The following CCDC102B variants were observed in gnomAD, a reference collection of about 807,000 sequenced individuals.
CCDC102B encodes coiled-coil domain containing 102B.
A neutral mutation model predicts 57.4 loss-of-function variants in CCDC102B; 75 were observed. The observed-to-expected ratio is 1.31, with a 90% CI of 1.08 to 1.58. CCDC102B has a LOEUF of 1.58. Ranked by LOEUF, CCDC102B falls within the 40% of genes most tolerant of loss-of-function variation. CCDC102B has a pLI of 0.00. For synonymous variants in CCDC102B, 206 were observed against 201.9 expected (o/e 1.02, Z -0.17); for missense variants, 636 against 582.6 (o/e 1.09, Z -0.94).
At chr18:68,766,432 A>G (rs2034472935) in intron 2 of CCDC102B, among the ~76,000 whole-genome samples, 1 of 152,192 alleles carries the variant, frequency 6.6e-6, no homozygotes, top group Admixed American at 6.5e-5. Context: ...AGAAATGTGC[A>G]GGTTTAAGAA....
At chr18:68,816,111 G>T (rs1419157706) in intron 1 of CCDC102B, among the ~76,000 whole-genome samples, 1 of 152,164 alleles carries the variant, frequency 6.6e-6, no homozygotes, top group Non-Finnish European at 1.5e-5. Context: ...TAAAAGAATT[G>T]ATTCTTGTGA....
intron 6 of CCDC102B, among the ~76,000 whole-genome samples, chr18:68,957,694 A>C (rs2049938945): frequency 6.6e-6 from 1 of 151,282 alleles, no homozygotes; most frequent in East Asian, 2.0e-4. Flanking sequence ...GCATTTGTAG[A>C]TTGCTTTGGG....
At chr18:69,022,193 CTATATA>C (rs57226048) in intron 7 of CCDC102B, among the ~76,000 whole-genome samples, 22 of 142,088 alleles carry the variant, frequency 1.5e-4, no homozygotes, top group African/African-American at 6.3e-4. Context: ...ATCCTTTAGC[CTATATA>C]TATATATATA....
chr18:69,003,007 A>G (rs1274616384), intron 6 of CCDC102B, among the ~76,000 whole-genome samples: 1 of 152,152 alleles, frequency 6.6e-6, no homozygotes, highest in Non-Finnish European at 1.5e-5. Flanking sequence ...TTGTCCTCCA[A>G]TGCTATCTTC....
chr18:68,999,665 G>A (rs10503137), intron 6 of CCDC102B, among the ~76,000 whole-genome samples: 130,506 of 152,010 alleles, frequency 0.86, 57,939 homozygotes, highest in Non-Finnish European at 0.97. Context: ...TCTGGGGTAA[G>A]TTTTATGACT....
At chr18:68,911,627 C>T (rs537687526) in intron 6 of CCDC102B, among the ~76,000 whole-genome samples, 3 of 149,598 alleles carry the variant, frequency 2.0e-5, no homozygotes, top group Admixed American at 6.6e-5. Flanking sequence ...TGGCGGGCGC[C>T]TGTAGTCCCA....
rs536509927 is a variant in CCDC102B at position 68,819,385 on chromosome 18, C to T, written c.-15-17364C>T. 6.6e-5 allele frequency among the ~76,000 whole-genome samples: 10 copies of T among 151,922 alleles called. 1 individual carries two copies. The highest frequency in any genetic ancestry group is 1.5e-4 in the Non-Finnish European group (10 of 67,880). On this transcript the variant is annotated intron_variant, in intron 1 of 7. Coordinates refer to ENST00000360242, the MANE Select transcript of CCDC102B (RefSeq NM_024781.3). ...ATACTGAAGTGTCATAAATTAGGTCCCCAGAGATGTAGATCCATGTTCGGA... is the reference window on the plus strand; with the variant it reads ...ATACTGAAGTGTCATAAATTAGGTCTCCAGAGATGTAGATCCATGTTCGGA...
intron 7 of CCDC102B, among the ~76,000 whole-genome samples, chr18:69,049,007 A>T (rs559676035): frequency 5.1e-4 from 78 of 151,716 alleles, no homozygotes; most frequent in Middle Eastern, 6.9e-3. Flanking sequence ...AAATTCCTGT[A>T]TGTTACCATC....
intron 6 of CCDC102B, among the ~76,000 whole-genome samples, chr18:69,008,619 T>TG (rs2051416234): frequency 6.6e-6 from 1 of 152,146 alleles, no homozygotes. Context: ...TTGATAGGCA[T>TG]GGGGGGCGTT....
At chr18:68,804,540 T>C (rs1012615672) in intron 1 of CCDC102B, among the ~76,000 whole-genome samples, 3 of 152,076 alleles carry the variant, frequency 2.0e-5, no homozygotes, top group East Asian at 3.9e-4. Context: ...GGTGTGAAGC[T>C]GAGACAGAAT....
chr18:68,968,264 G>A (rs571041914), intron 6 of CCDC102B, among the ~76,000 whole-genome samples: 1 of 152,102 alleles, frequency 6.6e-6, no homozygotes, highest in Admixed American at 6.6e-5. Context: ...AAACTTTATG[G>A]TCTGACCTTA....
intron 7 of CCDC102B, among the ~76,000 whole-genome samples, chr18:69,020,689 A>G (rs1196160439): frequency 6.6e-6 from 1 of 152,188 alleles, no homozygotes; most frequent in Non-Finnish European, 1.5e-5. Context: ...GTCAGAACTG[A>G]CAGTCTAATG....
chr18:68,883,703 A>T (rs2039775001), intron 5 of CCDC102B, among the ~76,000 whole-genome samples: 1 of 152,226 alleles, frequency 6.6e-6, no homozygotes, highest in South Asian at 2.1e-4. Context: ...GACATTGTGC[A>T]TAAAGAACAG....
At chr18:68,807,242 ATAATTTAAGAAAATTTAC>A (rs954851646) in intron 1 of CCDC102B, among the ~76,000 whole-genome samples, 24 of 152,242 alleles carry the variant, frequency 1.6e-4, no homozygotes, top group African/African-American at 5.3e-4. Context: ...TCTGCTTGCT[ATAATTTAAGAAAATTTAC>A]TAATTTAAGA....
At chr18:68,976,643 C>A (rs2050445330) in intron 6 of CCDC102B, among the ~76,000 whole-genome samples, 1 of 151,980 alleles carries the variant, frequency 6.6e-6, no homozygotes, top group African/African-American at 2.4e-5. Context: ...ATAACTTATA[C>A]ATCCTATGAC....
At chr18:68,977,847 A>G (rs1453230434) in intron 6 of CCDC102B, among the ~76,000 whole-genome samples, 2 of 151,974 alleles carry the variant, frequency 1.3e-5, no homozygotes, top group African/African-American at 2.4e-5. Context: ...GGGAAAACCG[A>G]CTGTCTTGTA....
chr18:68,802,461 G>C (rs763227277), intron 1 of CCDC102B, among the ~76,000 whole-genome samples: 3 of 152,154 alleles, frequency 2.0e-5, no homozygotes, highest in Non-Finnish European at 4.4e-5. Flanking sequence ...TTATGTTTTT[G>C]ATATGTTTTT....
Position 69,018,494 on chromosome 18 carries a change from T to C in CCDC102B, c.1434+7390T>C, listed in dbSNP as rs114576580. Among the ~76,000 whole-genome samples, 588 of 152,294 alleles carry C rather than the reference T, an allele frequency of 3.9e-3. 6 individuals are homozygous for C. The highest frequency in any genetic ancestry group is 0.014 in the African/African-American group (572 of 41,580). On this transcript the variant is annotated intron_variant, in intron 7 of 7. Transcript: ENST00000360242. Reference sequence around the variant, plus strand: ...TTGAAAAGTGTGAGGTCATGTATCATTGTGATTACAGTTTGACTTTCTCTG... The same window carrying C: ...TTGAAAAGTGTGAGGTCATGTATCACTGTGATTACAGTTTGACTTTCTCTG...
intron 6 of CCDC102B, among the ~76,000 whole-genome samples, chr18:68,901,632 G>A (rs1477722636): frequency 2.0e-5 from 3 of 152,120 alleles, no homozygotes; most frequent in African/African-American, 4.8e-5. Context: ...CCCTCAACTG[G>A]AATTGCAATT....
Sources: gnomAD v4.1 joint callset for allele counts (sites outside exome capture counted in the v4.1 genomes callset) on GRCh38, gnomAD v4.1.1 for gene constraint, MANE v1.5 for transcripts, NCBI Gene and HGNC (gene_info 2026-07-23, HGNC 2026-07-21) for gene names.